The following POTEI variants were observed in gnomAD, a reference collection of about 807,000 sequenced individuals.
POTEI encodes the protein POTE ankyrin domain family, member I.
In POTEI, 14 loss-of-function variants were observed where a neutral mutation model predicts 43.4. The ratio of observed to expected loss-of-function variants is 0.32; its 90% CI spans 0.21 to 0.50. The LOEUF is 0.50. Among genes scored for constraint, POTEI ranks in the 20% least tolerant of loss-of-function variants. The probability of loss-of-function intolerance (pLI) is 0.98; values close to 1 mark genes in which losing one functional copy is unlikely to be tolerated. For missense variants in POTEI, 235 were observed against 795.4 expected, an observed-to-expected ratio of 0.30 and a Z score of 8.47; for synonymous variants, 95 against 297.9, an observed-to-expected ratio of 0.32 and a Z score of 7.01.
chr2:130,464,578 G>A (rs1373941879), intron 14 of POTEI, among the ~76,000 whole-genome samples: 4 of 150,398 alleles, frequency 2.7e-5, no homozygotes, highest in African/African-American at 9.9e-5. Context: ...CATCCTAAGA[G>A]CCTTAGCTAT....
chr2:130,472,463 A>G lies in POTEI; in HGVS notation c.1778+1915T>C, dbSNP rs1683063170. Among the ~76,000 whole-genome samples the G allele has an allele frequency of 2.6e-4, 2 of 7,610 alleles. 1 individual carries two copies. Among genetic ancestry groups the G allele is most frequent in the African/African-American group, 2.9e-4 (2 of 6,998 alleles). The allele number at this position is 7,610 out of a possible 152,430, so 5.0% of individuals were successfully genotyped here. A position where few individuals can be genotyped will look rare whatever the true frequency, so the allele number is the denominator to read the frequency against. On this transcript the variant is annotated intron_variant, in intron 13 of 14. Coordinates refer to ENST00000451531, the MANE Select transcript of POTEI (RefSeq NM_001277406.2). ...CACATATGGCATTTAGAAATGTCAG[A>G]CCAAGGTTTTTAAAGGCCCTTTGAA...
intron 1 of POTEI, among the ~76,000 whole-genome samples, chr2:130,504,879 A>G (rs1218420619): frequency 1.2e-4 from 17 of 143,608 alleles, no homozygotes; most frequent in Admixed American, 4.2e-4. Context: ...TTCTTGTTTT[A>G]AAATGGATTT....
At chr2:130,509,392 AC>A, upstream of POTEI, 1 of 205,262 alleles carries the variant, frequency 4.9e-6, no homozygotes, top group Non-Finnish European at 7.9e-6. Context: ...AGCCCAACCC[AC>A]CCCACCCAGG....
At position 130,460,389 on chromosome 2, in the gene POTEI, C is replaced by T. The variant is rs1362083131; in HGVS notation, c.*2427G>A. 5.2e-4 allele frequency: 79 copies of T among 151,924 alleles called. 1 individual carries two copies. The highest frequency in any genetic ancestry group is 1.6e-3 in the African/African-American group (65 of 41,282). 9.4% of individuals were successfully genotyped at this position (151,924 alleles called of 1,614,324 possible). A position where few individuals can be genotyped will look rare whatever the true frequency, so the allele number is the denominator to read the frequency against. ...CTCCTTTTTTTAAAAAGGGAACTCT[C>T]GGACCTGATCTCTGCTGGGCAATCT... is the stretch of plus-strand genomic sequence containing the variant. On this transcript the variant is annotated 3_prime_UTR_variant, in exon 15 of 15. Coordinates refer to ENST00000451531, the MANE Select transcript of POTEI (RefSeq NM_001277406.2).
At chr2:130,498,237 C>T (rs1683967931) in intron 5 of POTEI, among the ~76,000 whole-genome samples, 1 of 63,038 alleles carries the variant, frequency 1.6e-5, no homozygotes, top group Non-Finnish European at 3.3e-5. Flanking sequence ...ACAAGCCCAC[C>T]TAATATCTGC....
chr2:130,507,298 A>G (rs1684193200), intron 1 of POTEI, among the ~76,000 whole-genome samples: 1 of 10,926 alleles, frequency 9.2e-5, no homozygotes, highest in Non-Finnish European at 1.5e-3. Context: ...ATATATATAT[A>G]TATATATATA....
chr2:130,509,009 C>T lies in POTEI; in HGVS notation c.227G>A (p.Gly76Asp), dbSNP rs1321286278. 6.6e-7 allele frequency: 1 copy of T among 1,518,948 alleles called. No homozygotes were observed. Among genetic ancestry groups the T allele is most frequent in the South Asian group, 1.1e-5 (1 of 87,664 alleles). 94.1% of individuals were successfully genotyped at this position (1,518,948 alleles called of 1,614,324 possible). ...CHCFPCCRGS[G>D]KSNVGTSGDH... ...TCCAGAAGTGCCCACGTTGCTCTTG[C>T]CACTCCCCCTGCAGCAGGGGAAGCA... Residue 76 changes from glycine (G) to aspartate (D), a missense_variant, in exon 1 of 15, where the codon GGC becomes GAC. By Grantham distance (94) the Gly-to-Asp change is moderately conservative. Transcript: ENST00000451531.
At position 130,477,529 on chromosome 2, in the gene POTEI, C is replaced by T. The variant is rs377725081; in HGVS notation, c.1481-828G>A. On this transcript the variant is annotated intron_variant, in intron 10 of 14. Coordinates refer to ENST00000451531, the MANE Select transcript of POTEI (RefSeq NM_001277406.2). ...TAAACAGGTACCTCCTTCCTTGAGG[C>T]TGCCTTAGTACTTTACTGATTTTTC... is the stretch of plus-strand genomic sequence containing the variant. 6.6e-5 allele frequency among the ~76,000 whole-genome samples: 10 copies of T among 150,538 alleles called. No homozygotes were observed. The East Asian group carries it at 1.8e-3, about 27-fold the overall frequency.
At chr2:130,483,747 A>G (rs1359436273) in intron 9 of POTEI, among the ~76,000 whole-genome samples, 15 of 149,010 alleles carry the variant, frequency 1.0e-4, no homozygotes, top group Middle Eastern at 3.4e-3. Flanking sequence ...GGCGCATGCC[A>G]CCACACCCGG....
Position 130,463,615 on chromosome 2 carries a change from A to C in POTEI, c.2429T>G (p.Leu810Arg). The change falls in exon 15 of 15, where the codon CTG becomes CGG. Residue 810 changes from leucine to arginine, a missense_variant. Coordinates refer to ENST00000451531, the MANE Select transcript of POTEI (RefSeq NM_001277406.2). ...EHPILLTEAPLNPKANREKMT... is the reference protein window; with the variant it reads ...EHPILLTEAPRNPKANREKMT... The stretch of plus-strand genomic sequence containing the variant: ...CTTCTCGCGGTTGGCCTTGGGGTTC[A>C]GGGGGGCCTCGGTCAGCAGGATGGG... 8.1e-6 allele frequency: 13 copies of C among 1,605,920 alleles called. No individual in the cohort carries two copies. In the African/African-American group the frequency reaches 9.8e-5, roughly 12 times the overall value.
intron 13 of POTEI, among the ~76,000 whole-genome samples, chr2:130,467,529 C>T (rs1348631485): frequency 7.3e-6 from 1 of 136,730 alleles, no homozygotes; most frequent in Non-Finnish European, 1.6e-5. Context: ...GGATGAAAGG[C>T]CTAAACCTAA....
upstream of POTEI, chr2:130,509,536 C>T: frequency 4.4e-5 from 7 of 160,726 alleles, no homozygotes. Flanking sequence ...AGCAAGGGAA[C>T]GCGAGAGAGG....
chr2:130,492,914 C>G (rs1244732124), intron 6 of POTEI, among the ~76,000 whole-genome samples: 3 of 151,652 alleles, frequency 2.0e-5, no homozygotes, highest in African/African-American at 7.3e-5. Flanking sequence ...GTCTTCCTAC[C>G]CAGTCCATAA....
rs958831435 is a variant in POTEI, at chr2:130,461,454, C to T, written c.*1362G>A. 1 of 151,776 alleles carries T rather than the reference C, an allele frequency of 6.6e-6. No homozygotes were observed. The highest frequency in any genetic ancestry group is 2.4e-5 in the African/African-American group (1 of 41,208). The allele number at this position is 151,776 out of a possible 1,614,324, so 9.4% of individuals were successfully genotyped here. A position where few individuals can be genotyped will look rare whatever the true frequency, so the allele number is the denominator to read the frequency against. On this transcript the variant is annotated 3_prime_UTR_variant, in exon 15 of 15. Transcript: ENST00000451531. ...AAATGTGGTCAGGGACTGACGTAAA[C>T]AAGAGTCTGGCCACGTTTTGGTAGC...
At chr2:130,483,621 G>T (rs1457448722) in intron 9 of POTEI, among the ~76,000 whole-genome samples, 4 of 95,840 alleles carry the variant, frequency 4.2e-5, no homozygotes, top group East Asian at 3.3e-4. Context: ...TTGAGACGGA[G>T]TCTTGCTCTG....
At position 130,509,078 on chromosome 2, in the gene POTEI, G is replaced by A. The variant is rs1410770174; in HGVS notation, c.158C>T (p.Thr53Ile). The stretch of plus-strand genomic sequence containing the variant: ...CATCTTGCTCCTGAGTGTCTTCATA[G>A]TGGAGTCGTCCTGGTCTCCAGAAGT... ...VGTSGDQDDSTMKTLRSKMGK... is the reference protein window; with the variant it reads ...VGTSGDQDDSIMKTLRSKMGK... The change falls in exon 1 of 15, where the codon ACT becomes ATT. Residue 53 changes from threonine (T) to isoleucine (I), a missense_variant. Transcript: ENST00000451531. 1 of 1,484,198 alleles carries A rather than the reference G, an allele frequency of 6.7e-7. No homozygotes were observed. The highest frequency in any genetic ancestry group is 1.9e-5 in the Admixed American group (1 of 53,346). 91.9% of individuals were successfully genotyped at this position (1,484,198 alleles called of 1,614,324 possible). A position where few individuals can be genotyped will look rare whatever the true frequency, so the allele number is the denominator to read the frequency against.
intron 6 of POTEI, among the ~76,000 whole-genome samples, chr2:130,491,776 T>C (rs1683745461): frequency 9.4e-6 from 1 of 106,280 alleles, no homozygotes; most frequent in Admixed American, 1.1e-4. Context: ...TGTCTCAGTC[T>C]CCGGAGAAGC....
At chr2:130,483,467 C>T (rs569166474) in intron 9 of POTEI, among the ~76,000 whole-genome samples, 1 of 144,138 alleles carries the variant, frequency 6.9e-6, no homozygotes. Context: ...AGTGAATAAC[C>T]ACAATATTGG....
intron 13 of POTEI, among the ~76,000 whole-genome samples, chr2:130,474,156 C>T (rs1460436278): frequency 7.3e-5 from 11 of 151,086 alleles, no homozygotes; most frequent in African/African-American, 2.5e-4. Flanking sequence ...GAAGAAAATG[C>T]CTTTTCCCTC....
Sources: gnomAD v4.1 joint callset for allele counts (sites outside exome capture counted in the v4.1 genomes callset) on GRCh38, gnomAD v4.1.1 for gene constraint, MANE v1.5 for transcripts, NCBI Gene and HGNC (gene_info 2026-07-23, HGNC 2026-07-21) for gene names.